The following PTK2 variants were observed in gnomAD, a reference collection of about 807,000 sequenced individuals.
PTK2 encodes focal adhesion kinase 1.
Under a neutral mutation model 150.1 loss-of-function variants are expected in PTK2, and 45 were observed. The ratio of observed to expected loss-of-function variants is 0.30; its 90% confidence interval spans 0.24 to 0.38. The LOEUF is 0.38. Ranked by LOEUF, PTK2 falls within the 10% of genes least tolerant of loss-of-function variation. The probability of loss-of-function intolerance (pLI) is 1.00; values close to 1 mark genes in which losing one functional copy is unlikely to be tolerated. For synonymous variants in PTK2, 432 were observed against 449.2 expected (o/e 0.96, Z 0.48); for missense variants, 919 against 1,307.3 (o/e 0.70, Z 4.58).
intron 17 of PTK2, chr8:140,750,392 C>A (rs1482631348): frequency 1.3e-5 from 2 of 152,184 alleles, no homozygotes; most frequent in African/African-American, 4.8e-5. Flanking sequence ...TGGTCCTTAT[C>A]CCCAGGGAGC....
chr8:140,978,811 C>CGT (rs1555489954), intron 1 of PTK2, among the ~76,000 whole-genome samples: 1 of 150,878 alleles, frequency 6.6e-6, no homozygotes, highest in Non-Finnish European at 1.5e-5. Context: ...CACATGCACA[C>CGT]ATGTTTATTG....
intron 4 of PTK2, among the ~76,000 whole-genome samples, chr8:140,867,960 C>T (rs1193154268): frequency 6.6e-6 from 1 of 152,216 alleles, no homozygotes; most frequent in Non-Finnish European, 1.5e-5. Context: ...CTAGTTGCAT[C>T]CTGATACATA....
chr8:140,748,961 A>G (rs1326483081), intron 17 of PTK2, among the ~76,000 whole-genome samples: 1 of 152,242 alleles, frequency 6.6e-6, no homozygotes, highest in Non-Finnish European at 1.5e-5. Flanking sequence ...AGAATAACAG[A>G]AGTAATTTTA....
chr8:140,889,183 CA>C lies in PTK2; in HGVS notation c.195+1359del, dbSNP rs1479696760. Among the ~76,000 whole-genome samples, 6 of 151,944 alleles carry C rather than the reference CA, an allele frequency of 3.9e-5. No homozygotes were observed. In the East Asian group the frequency reaches 9.6e-4, roughly 24 times the overall value. On this transcript the variant is annotated intron_variant, in intron 3 of 31. Coordinates refer to ENST00000522684, the Ensembl canonical transcript of PTK2. ...TGCTAATATTAAAATTTAGAGGTAA[CA>C]AAAAATTATGTAAAATTTATATACA...
chr8:140,854,372 T>C (rs903292414), intron 5 of PTK2, among the ~76,000 whole-genome samples: 7 of 152,224 alleles, frequency 4.6e-5, no homozygotes, highest in African/African-American at 1.7e-4. Flanking sequence ...ACATGGACAC[T>C]GGCCTTCAAA....
chr8:140,786,814 CAT>C (rs1201570478), intron 14 of PTK2, among the ~76,000 whole-genome samples: 12 of 152,020 alleles, frequency 7.9e-5, no homozygotes, highest in Admixed American at 7.9e-4. Flanking sequence ...AAGTGATAGT[CAT>C]ATATTGAAGT....
intron 10 of PTK2, among the ~76,000 whole-genome samples, chr8:140,810,435 G>A (rs534141588): frequency 5.3e-5 from 8 of 152,254 alleles, no homozygotes; most frequent in African/African-American, 9.6e-5. Context: ...CAGCCTGAAC[G>A]AGCCTGCTTG....
At chr8:140,708,627 A>G (rs1203031028) in intron 23 of PTK2, among the ~76,000 whole-genome samples, 1 of 152,116 alleles carries the variant, frequency 6.6e-6, no homozygotes, top group Non-Finnish European at 1.5e-5. Flanking sequence ...ACTTAACTAA[A>G]TAACAACATG....
intron 1 of PTK2, among the ~76,000 whole-genome samples, chr8:140,961,579 G>A (rs966669917): frequency 4.6e-5 from 7 of 151,526 alleles, no homozygotes; most frequent in African/African-American, 1.2e-4. Flanking sequence ...GGAGAATGGC[G>A]TGAACCTGGG....
intron 2 of PTK2, among the ~76,000 whole-genome samples, chr8:140,923,922 C>T (rs1481439857): frequency 6.6e-6 from 1 of 152,198 alleles, no homozygotes; most frequent in Non-Finnish European, 1.5e-5. Context: ...CACCGCCCTA[C>T]ACTCTATTCA....
intron 1 of PTK2, among the ~76,000 whole-genome samples, chr8:140,998,672 A>C (rs1195508023): frequency 6.6e-6 from 1 of 151,938 alleles, no homozygotes; most frequent in African/African-American, 2.4e-5. Flanking sequence ...ACAAAAAATT[A>C]GCCGGGCGTG....
chr8:140,690,693 ATACTGTGGTGTAAATGTATGTT>A (rs2100022665), intron 26 of PTK2, among the ~76,000 whole-genome samples: 1 of 152,256 alleles, frequency 6.6e-6, no homozygotes, highest in Non-Finnish European at 1.5e-5. Flanking sequence ...TCATTAGTTA[ATACTGTGGTGTAAATGTATGTT>A]TACAAACATG....
intron 10 of PTK2, 37 bp downstream of exon 10, chr8:140,818,240 G>T: frequency 2.0e-6 from 3 of 1,534,366 alleles, no homozygotes; most frequent in Non-Finnish European, 2.7e-6. Context: ...TCTTCTTTGT[G>T]TAACGCCAAG....
intron 31 of PTK2, among the ~76,000 whole-genome samples, chr8:140,661,695 G>A (rs1248657921): frequency 6.6e-6 from 1 of 152,212 alleles, no homozygotes; most frequent in African/African-American, 2.4e-5. Context: ...CCTGAGCAGA[G>A]GTCTTGGCAG....
At chr8:140,987,989 G>A (rs188970304) in intron 1 of PTK2, among the ~76,000 whole-genome samples, 47 of 150,200 alleles carry the variant, frequency 3.1e-4, no homozygotes, top group Non-Finnish European at 5.9e-4. Flanking sequence ...AGGCTGCAGT[G>A]AGCAGTGATC....
At chr8:140,773,422 G>A (rs2100076672) in intron 14 of PTK2, among the ~76,000 whole-genome samples, 1 of 152,142 alleles carries the variant, frequency 6.6e-6, no homozygotes, top group Non-Finnish European at 1.5e-5. Flanking sequence ...TAAGTGCTAG[G>A]GAAAAACCAG....
intron 1 of PTK2, among the ~76,000 whole-genome samples, chr8:140,983,036 A>G (rs963908146): frequency 1.3e-5 from 2 of 152,206 alleles, no homozygotes; most frequent in Non-Finnish European, 2.9e-5. Context: ...AGTACAAAAT[A>G]TAGTTTTCCA....
rs554103422 is a variant in PTK2 at position 140,801,111 on chromosome 8, C to G, written c.976-535G>C. On this transcript the variant is annotated intron_variant, in intron 11 of 31. Coordinates refer to ENST00000522684, the Ensembl canonical transcript of PTK2. ...GTAATATTTGCTTAATCTCCAGAAT[C>G]AACAAGAGTTCCTAGAGCCCTCAGA... Among the ~76,000 whole-genome samples, 5 of 152,304 alleles carry G rather than the reference C, an allele frequency of 3.3e-5. No individual in the cohort carries two copies. The South Asian group carries it at 1.0e-3, about 32-fold the overall frequency.
chr8:140,686,814 G>GT (rs2100020182), intron 26 of PTK2, 120 bp from the exon 30 acceptor site: 1 of 876,694 alleles, frequency 1.1e-6, no homozygotes, highest in Non-Finnish European at 1.8e-6. Context: ...AGAGTTGAAA[G>GT]TTCCCCCGTT....
Sources: gnomAD v4.1 joint callset for allele counts (sites outside exome capture counted in the v4.1 genomes callset) on GRCh38, gnomAD v4.1.1 for gene constraint, MANE v1.5 for transcripts, NCBI Gene and HGNC (gene_info 2026-07-23, HGNC 2026-07-21) for gene names.